RALGAPA2: variants seen among roughly 807,000 people sequenced by gnomAD.
RALGAPA2 encodes ral GTPase-activating protein subunit alpha-2.
Under a neutral mutation model 230.4 loss-of-function variants are expected in RALGAPA2, and 139 were observed. That is an observed-to-expected ratio of 0.60 (90% CI 0.53 to 0.69). The LOEUF (loss-of-function observed/expected upper bound fraction) is 0.69, where lower values mean the gene tolerates loss of function less well. RALGAPA2 is among the 30% of genes least tolerant of loss of function. The pLI is 0.00. For synonymous variants in RALGAPA2, 847 were observed against 837.8 expected, an observed-to-expected ratio of 1.01 and a Z score of -0.19; for missense variants, 2,163 against 2,276.0, an observed-to-expected ratio of 0.95 and a Z score of 1.01.
At position 20,536,637 on chromosome 20, in the gene RALGAPA2, A is replaced by T; in HGVS notation, c.3414+19T>A. 1 of 1,608,692 alleles carries T rather than the reference A, an allele frequency of 6.2e-7. No homozygotes were observed. The highest frequency in any genetic ancestry group is 8.5e-7 in the Non-Finnish European group (1 of 1,176,292). ...ATAAAAAGTACTAAACTTGAGATAC[A>T]GTCAAATGCGTTATGTACCTTGACA... On this transcript the variant is annotated intron_variant, in intron 25 of 39. Transcript: ENST00000202677.
intron 1 of RALGAPA2, among the ~76,000 whole-genome samples, chr20:20,683,259 C>T (rs773696154): frequency 1.3e-5 from 2 of 152,216 alleles, no homozygotes; most frequent in African/African-American, 2.4e-5. Flanking sequence ...GTGACCTCTG[C>T]CCATTGCCTG....
intron 27 of RALGAPA2, among the ~76,000 whole-genome samples, chr20:20,531,099 A>T (rs2063355448): frequency 6.6e-6 from 1 of 152,122 alleles, no homozygotes; most frequent in Non-Finnish European, 1.5e-5. Flanking sequence ...CGGGCTTGTG[A>T]CCTAATTTCT....
chr20:20,546,687 A>G lies in RALGAPA2; in HGVS notation c.3285+17T>C. The G allele has an allele frequency of 6.3e-7, 1 of 1,577,568 alleles. No homozygotes were observed. Among genetic ancestry groups the G allele is most frequent in the Non-Finnish European group, 8.6e-7 (1 of 1,166,658 alleles). On this transcript the variant is annotated intron_variant, in intron 24 of 39. Coordinates refer to ENST00000202677, the MANE Select transcript of RALGAPA2 (RefSeq NM_020343.4). ...AAGCCTCTTGGGAGCTGGGATGCTG[A>G]GCATTGTCATACTCACCGTCAAAAT...
At position 20,516,182 on chromosome 20, in the gene RALGAPA2, C is replaced by A. The variant is rs2062865177; in HGVS notation, c.4085-2898G>T. 2.6e-5 allele frequency among the ~76,000 whole-genome samples: 4 copies of A among 152,236 alleles called. No individual in the cohort carries two copies. In the South Asian group the frequency reaches 8.3e-4, roughly 31 times the overall value. On this transcript the variant is annotated intron_variant, in intron 31 of 39. Coordinates refer to ENST00000202677, the MANE Select transcript of RALGAPA2 (RefSeq NM_020343.4). ...CTCAAAGGAGCCATGGCTGGCCCCA[C>A]TCAAGGAGAGTCAGAGCACAGACCT...
Position 20,619,336 on chromosome 20 carries a change from C to G in RALGAPA2, c.1480G>C (p.Gly494Arg), listed in dbSNP as rs779796259. Residue 494 changes from glycine (G) to arginine (R), a missense_variant, in exon 12 of 40, where the codon GGG (glycine) becomes CGG (arginine). Physicochemically the swap from Gly to Arg is moderately radical, Grantham distance 125 (BLOSUM62 -2). Coordinates refer to ENST00000202677, the MANE Select transcript of RALGAPA2 (RefSeq NM_020343.4). The stretch of plus-strand genomic sequence containing the variant: ...GTATTTTCCTCCTCTGTCACACACC[C>G]TCTGCTCATTGCACTTGTGAAGGAG... ...TYSFTSAMSR[G>R]CVTEEENTNV... 4.3e-6 allele frequency: 7 copies of G among 1,612,568 alleles called. No individual in the cohort carries two copies. The highest frequency in any genetic ancestry group is 5.1e-6 in the Non-Finnish European group (6 of 1,179,000).
At chr20:20,589,176 T>G (rs1000652393) in intron 18 of RALGAPA2, 92 bp downstream of exon 18, 12 of 1,405,818 alleles carry the variant, frequency 8.5e-6, no homozygotes, top group Middle Eastern at 2.3e-4. Context: ...AAAAAATATT[T>G]TAATTATCAC....
intron 37 of RALGAPA2, among the ~76,000 whole-genome samples, chr20:20,419,945 C>T (rs562431930): frequency 1.3e-5 from 2 of 152,276 alleles, no homozygotes; most frequent in South Asian, 4.1e-4. Flanking sequence ...TGCATTCTAG[C>T]AGGGAGGCAG....
chr20:20,695,005 G>A (rs557416786), intron 1 of RALGAPA2, among the ~76,000 whole-genome samples: 12 of 152,250 alleles, frequency 7.9e-5, no homozygotes, highest in East Asian at 1.9e-4. Flanking sequence ...CTTCCAGGGC[G>A]TTCGAGAAAG....
At chr20:20,412,311 C>G (rs111554625) in intron 37 of RALGAPA2, among the ~76,000 whole-genome samples, 163 bp from the exon 38 acceptor site, 1,932 of 152,176 alleles carry the variant, frequency 0.013, 45 homozygotes, top group African/African-American at 0.044. Context: ...TAATTCATAC[C>G]CAAATTCTGG....
At chr20:20,405,332 C>T (rs140924115) in intron 38 of RALGAPA2, among the ~76,000 whole-genome samples, 1,849 of 152,202 alleles carry the variant, frequency 0.012, 24 homozygotes, top group South Asian at 0.043. Flanking sequence ...CTGCTTTTCT[C>T]CAATAAGACT....
chr20:20,422,605 C>T (rs879798856), intron 37 of RALGAPA2, among the ~76,000 whole-genome samples: 1 of 152,078 alleles, frequency 6.6e-6, no homozygotes, highest in Non-Finnish European at 1.5e-5. Flanking sequence ...CCTAGTGGTA[C>T]GCAGTGCACA....
chr20:20,611,187 G>A (rs1313358252), intron 14 of RALGAPA2, 128 bp downstream of exon 14: 3 of 1,287,616 alleles, frequency 2.3e-6, no homozygotes, highest in South Asian at 2.2e-5. Context: ...TCAGGACAAA[G>A]CTAAGAAGAA....
Position 20,582,555 on chromosome 20 carries a change from T to C in RALGAPA2, c.2707+495A>G, listed in dbSNP as rs77631235. 4.3e-3 allele frequency among the ~76,000 whole-genome samples: 651 copies of C among 152,058 alleles called. 2 individuals carry two copies. Among genetic ancestry groups the C allele is most frequent in the Admixed American group, 8.8e-3 (135 of 15,256 alleles). On this transcript the variant is annotated intron_variant, in intron 20 of 39. Coordinates refer to ENST00000202677, the MANE Select transcript of RALGAPA2 (RefSeq NM_020343.4). ...AAAACTATAAAGAAATCAAGGAAAT[T>C]AGTATAAAAACAAATTTGGACTAGG...
Position 20,396,733 on chromosome 20 carries a change from A to G in RALGAPA2, c.5619T>C (p.Asp1873=). 6.2e-7 allele frequency: 1 copy of G among 1,606,836 alleles called. No individual in the cohort carries two copies. The highest frequency in any genetic ancestry group is 8.5e-7 in the Non-Finnish European group (1 of 1,174,046). ...PSPSYSLSGT[D] is the part of the protein sequence containing the mutation. ...TGAAATGAGACCTTTACGTGTTTTAATCTGAAGGGAAAGAACACAAAATGG... is the reference window on the plus strand; with the variant it reads ...TGAAATGAGACCTTTACGTGTTTTAGTCTGAAGGGAAAGAACACAAAATGG... The change falls in exon 39 of 40, where the codon GAT becomes GAC. Residue 1873 remains aspartate (D), a splice_region_variant and synonymous_variant. Coordinates refer to ENST00000202677, the MANE Select transcript of RALGAPA2 (RefSeq NM_020343.4).
chr20:20,531,910 GATCT>G, intron 26 of RALGAPA2, 115 bp from the exon 27 acceptor site: 1 of 866,426 alleles, frequency 1.2e-6, no homozygotes, highest in Non-Finnish European at 1.8e-6. Flanking sequence ...AAATATTATA[GATCT>G]ATTAGCAGAA....
At chr20:20,506,660 T>G (rs942198283) in intron 33 of RALGAPA2, among the ~76,000 whole-genome samples, 2 of 152,048 alleles carry the variant, frequency 1.3e-5, no homozygotes, top group Non-Finnish European at 2.9e-5. Context: ...AATACAGAAA[T>G]ATTTTTTCTG....
chr20:20,624,510 A>G (rs2066430258), intron 10 of RALGAPA2, among the ~76,000 whole-genome samples: 1 of 152,172 alleles, frequency 6.6e-6, no homozygotes, highest in Non-Finnish European at 1.5e-5. Context: ...TAAATACAGA[A>G]TCAAGACTAA....
At chr20:20,404,406 C>A (rs2059906785) in intron 38 of RALGAPA2, among the ~76,000 whole-genome samples, 1 of 152,084 alleles carries the variant, frequency 6.6e-6, no homozygotes, top group Admixed American at 6.5e-5. Flanking sequence ...GACTTAACTG[C>A]GAATAAGAGA....
At chr20:20,700,217 A>C (rs1169676428) in intron 1 of RALGAPA2, among the ~76,000 whole-genome samples, 1 of 152,164 alleles carries the variant, frequency 6.6e-6, no homozygotes, top group Middle Eastern at 3.2e-3. Flanking sequence ...CTGAAAACCA[A>C]ATACCATATG....
Sources: gnomAD v4.1 joint callset for allele counts (sites outside exome capture counted in the v4.1 genomes callset) on GRCh38, gnomAD v4.1.1 for gene constraint, MANE v1.5 for transcripts, NCBI Gene and HGNC (gene_info 2026-07-23, HGNC 2026-07-21) for gene names.